The following ROBO2 variants were observed in gnomAD, a reference collection of about 807,000 sequenced individuals.
ROBO2 encodes roundabout guidance receptor 2, also known as roundabout homolog 2.
A neutral mutation model predicts 160.8 loss-of-function variants in ROBO2; 53 were observed. The ratio of observed to expected loss-of-function variants is 0.33; its 90% CI spans 0.26 to 0.41. The LOEUF (loss-of-function observed/expected upper bound fraction) is 0.41. ROBO2 is among the 10% of genes least tolerant of loss of function. The pLI is 1.00. For missense variants in ROBO2, 1,577 were observed against 1,722.4 expected (o/e 0.92, Z 1.49); for synonymous variants, 664 against 611.7 (o/e 1.09, Z -1.26).
intron 2 of ROBO2, among the ~76,000 whole-genome samples, chr3:76,646,829 C>T (rs977951918): frequency 2.6e-5 from 4 of 152,070 alleles, no homozygotes; most frequent in Admixed American, 1.3e-4. Flanking sequence ...ATTTAAAAAA[C>T]TGTTAACTAG....
intron 2 of ROBO2, among the ~76,000 whole-genome samples, chr3:76,059,337 C>T (rs1017092535): frequency 1.3e-5 from 2 of 151,972 alleles, no homozygotes; most frequent in Non-Finnish European, 2.9e-5. Context: ...TGAATGATTG[C>T]CATTCTAACT....
At chr3:76,744,946 A>G (rs1055696915) in intron 2 of ROBO2, among the ~76,000 whole-genome samples, 3 of 152,154 alleles carry the variant, frequency 2.0e-5, no homozygotes, top group Admixed American at 6.5e-5. Context: ...GATTTATTGT[A>G]TACTTACTTT....
chr3:76,240,946 A>T (rs1316493831), intron 2 of ROBO2, among the ~76,000 whole-genome samples: 2 of 152,238 alleles, frequency 1.3e-5, no homozygotes, highest in African/African-American at 4.8e-5. Context: ...AACATGTAGT[A>T]ATTATCTTCC....
intron 2 of ROBO2, among the ~76,000 whole-genome samples, chr3:77,185,298 A>G (rs964602734): frequency 6.6e-6 from 1 of 151,976 alleles, no homozygotes; most frequent in Non-Finnish European, 1.5e-5. Context: ...GTTGTTACAG[A>G]CAGATTACTG....
At chr3:77,381,874 C>T (rs1433945590) in intron 2 of ROBO2, among the ~76,000 whole-genome samples, 1 of 152,094 alleles carries the variant, frequency 6.6e-6, no homozygotes, top group Non-Finnish European at 1.5e-5. Flanking sequence ...TTATCCTGGA[C>T]ATTTTCTGAT....
intron 2 of ROBO2, among the ~76,000 whole-genome samples, chr3:77,315,545 C>A (rs1037254253): frequency 1.2e-4 from 18 of 152,206 alleles, no homozygotes; most frequent in African/African-American, 3.6e-4. Flanking sequence ...TTCATATCCT[C>A]TAATCCTTTC....
chr3:76,583,688 C>A (rs142006941), intron 2 of ROBO2, among the ~76,000 whole-genome samples: 6 of 152,200 alleles, frequency 3.9e-5, no homozygotes, highest in African/African-American at 9.6e-5. Flanking sequence ...ATCTGCCCCA[C>A]CTTTCTCTCA....
At chr3:77,035,872 C>A (rs1008415956), upstream of ROBO2, among the ~76,000 whole-genome samples, 53 of 151,958 alleles carry the variant, frequency 3.5e-4, no homozygotes, top group African/African-American at 1.2e-3. Flanking sequence ...ACATACGTGT[C>A]ATTTAATGTG....
intron 2 of ROBO2, among the ~76,000 whole-genome samples, chr3:76,642,801 C>T (rs986339218): frequency 1.3e-5 from 2 of 152,038 alleles, no homozygotes; most frequent in African/African-American, 2.4e-5. Context: ...CCACCAAATA[C>T]GTAAAACCAT....
intron 2 of ROBO2, among the ~76,000 whole-genome samples, chr3:76,359,004 T>C (rs1341909802): frequency 1.4e-5 from 2 of 145,764 alleles, no homozygotes; most frequent in Admixed American, 1.4e-4. Context: ...TTCCCGCCTA[T>C]GAGTGAGAAC....
chr3:76,654,976 A>T (rs1263308998), intron 2 of ROBO2, among the ~76,000 whole-genome samples: 1 of 149,706 alleles, frequency 6.7e-6, no homozygotes, highest in Non-Finnish European at 1.5e-5. Flanking sequence ...AATCAAAAGT[A>T]AAGATACCTT....
intron 2 of ROBO2, among the ~76,000 whole-genome samples, chr3:76,066,696 CAAA>C (rs1332176932): frequency 1.3e-5 from 2 of 151,804 alleles, no homozygotes; most frequent in African/African-American, 4.8e-5. Context: ...GTTAGACTGA[CAAA>C]GAAATGAAAT....
At chr3:76,099,999 A>T (rs13314078) in intron 2 of ROBO2, among the ~76,000 whole-genome samples, 16,506 of 152,226 alleles carry the variant, frequency 0.11, 1,072 homozygotes, top group Non-Finnish European at 0.14. Context: ...CTGAGGTTCC[A>T]GATAGCGTGG....
intron 2 of ROBO2, among the ~76,000 whole-genome samples, chr3:76,995,563 A>G (rs2060950940): frequency 6.6e-6 from 1 of 152,130 alleles, no homozygotes; most frequent in Admixed American, 6.5e-5. Context: ...TTACAGTCCC[A>G]CCAACAGTGT....
chr3:77,021,369 A>C (rs926966605), intron 2 of ROBO2, among the ~76,000 whole-genome samples: 4 of 152,110 alleles, frequency 2.6e-5, no homozygotes, highest in African/African-American at 9.7e-5. Flanking sequence ...AAGACATGAA[A>C]ACTAGAATTC....
At chr3:76,200,924 A>T (rs1559634578) in intron 2 of ROBO2, among the ~76,000 whole-genome samples, 3 of 152,192 alleles carry the variant, frequency 2.0e-5, no homozygotes, top group Non-Finnish European at 4.4e-5. Flanking sequence ...TAATTGAAAA[A>T]ATAAAAATAA....
intron 1 of ROBO2, among the ~76,000 whole-genome samples, chr3:77,043,326 G>C (rs1418890754): frequency 6.6e-6 from 1 of 152,166 alleles, no homozygotes; most frequent in African/African-American, 2.4e-5. Context: ...CCTTGTGCTA[G>C]ACACAGATAT....
chr3:75,994,009 G>T (rs1286472542), intron 2 of ROBO2, among the ~76,000 whole-genome samples: 1 of 152,104 alleles, frequency 6.6e-6, no homozygotes, highest in African/African-American at 2.4e-5. Flanking sequence ...GGCCAGCTGT[G>T]GGAGTATCTA....
chr3:77,492,410 A>T (rs902620879), intron 4 of ROBO2, among the ~76,000 whole-genome samples: 1 of 152,174 alleles, frequency 6.6e-6, no homozygotes, highest in Non-Finnish European at 1.5e-5. Flanking sequence ...ATTTTTATGG[A>T]TACAGACTTA....
Sources: allele counts gnomAD v4.1 joint callset (sites outside exome capture counted in the v4.1 genomes callset), GRCh38; gene constraint gnomAD v4.1.1; transcripts MANE v1.5; gene names NCBI Gene and HGNC (gene_info 2026-07-23, HGNC 2026-07-21).